TRIM17: variants seen among roughly 807,000 people sequenced by gnomAD.
TRIM17 encodes the protein tripartite motif containing 17.
Under a neutral mutation model 35.8 loss-of-function variants are expected in TRIM17, and 27 were observed. That is an observed-to-expected ratio of 0.75 (90% CI 0.56 to 1.04). TRIM17 has a LOEUF of 1.04. Ranked by LOEUF, TRIM17 falls within the 50% of genes least tolerant of loss-of-function variation. The pLI is 0.00. For missense variants in TRIM17, 582 were observed against 612.8 expected (o/e 0.95, Z 0.53); for synonymous variants, 246 against 252.6 (o/e 0.97, Z 0.25).
chr1:228,415,211 G>C (rs1657034799), intron 1 of TRIM17, 98 bp from the exon 2 acceptor site: 1 of 984,734 alleles, frequency 1.0e-6, no homozygotes, highest in Admixed American at 2.9e-5. Context: ...TAGGACTGCA[G>C]TCCAGTTAGA....
At position 228,416,768 on chromosome 1, in the gene TRIM17, C is replaced by T. The variant is rs1300814554; in HGVS notation, c.-271G>A. ...TCGGCGGCCGGGACTGGGGCGGCGC[C>T]TCTTAGGAGAGGTTGGGGGTGGCTT... On this transcript the variant is annotated 5_prime_UTR_variant, in exon 1 of 7. Coordinates refer to ENST00000366698, the MANE Select transcript of TRIM17 (RefSeq NM_016102.4). 1 of 981,786 alleles carries T rather than the reference C, an allele frequency of 1.0e-6. No homozygotes were observed. The highest frequency in any genetic ancestry group is 1.2e-6 in the Non-Finnish European group (1 of 828,620). The allele number at this position is 981,786 out of a possible 1,614,324, so 60.8% of individuals were successfully genotyped here.
chr1:228,408,823 G>A lies in TRIM17; in HGVS notation c.884-72C>T, dbSNP rs865778554. ...TTCAGGGTCAAAGGTGGGAGTCCCC[G>A]GGCCCTAGTGGTGGATGTGGCCAAT... On this transcript the variant is annotated intron_variant, in intron 6 of 6. Transcript: ENST00000366698. The surrounding 1 kb of genome is among the most constrained non-coding windows in gnomAD (Gnocchi z 6.3). 379 of 1,536,444 alleles carry A rather than the reference G, an allele frequency of 2.5e-4. No homozygotes were observed. The highest frequency in any genetic ancestry group is 6.8e-4 in the Middle Eastern group (3 of 4,382).
At chr1:228,414,457 C>G (rs187854199) in intron 2 of TRIM17, among the ~76,000 whole-genome samples, 187 bp downstream of exon 2, 1 of 152,284 alleles carries the variant, frequency 6.6e-6, no homozygotes, top group African/African-American at 2.4e-5. Context: ...CAGTGTAGGC[C>G]CACATTGTCC....
At position 228,408,076 on chromosome 1, in the gene TRIM17, A is replaced by C. The variant is rs1574091940; in HGVS notation, c.*125T>G. 3.5e-6 allele frequency: 3 copies of C among 846,498 alleles called. No homozygotes were observed. The highest frequency in any genetic ancestry group is 5.4e-6 in the Non-Finnish European group (3 of 556,470). 52.4% of individuals were successfully genotyped at this position (846,498 alleles called of 1,614,324 possible). On this transcript the variant is annotated 3_prime_UTR_variant, in exon 7 of 7. Coordinates refer to ENST00000366698, the MANE Select transcript of TRIM17 (RefSeq NM_016102.4). The surrounding 1 kb of genome is among the most constrained non-coding windows in gnomAD (Gnocchi z 6.3). ...CACAATTATATTTAGAATTTGAGAAACCCCCCTGTGTGTCTAATGGCTGCC... is the reference window on the plus strand; with the variant it reads ...CACAATTATATTTAGAATTTGAGAACCCCCCCTGTGTGTCTAATGGCTGCC...
chr1:228,415,764 C>T (rs1022823909), intron 1 of TRIM17: 6 of 152,582 alleles, frequency 3.9e-5, no homozygotes, highest in Non-Finnish European at 5.8e-5. Context: ...TACGCACAGA[C>T]GAACACCCAT....
rs112322996 is a variant in TRIM17, at chr1:228,414,864, G to A, written c.209C>T (p.Pro70Leu). 1.9e-5 allele frequency: 31 copies of A among 1,613,524 alleles called. 1 individual carries two copies. The highest frequency in any genetic ancestry group is 1.7e-4 in the Middle Eastern group (1 of 6,056). ...CCGGTTGGGCAGCAGGTTCCTCTGC[G>A]GGGACATCTCTCTGCACTCGGGGCA... Reference protein sequence around the residue: ...FPCPECREMSPQRNLLPNRLL... With the variant: ...FPCPECREMSLQRNLLPNRLL... Residue 70 changes from proline to leucine, a missense_variant, in exon 2 of 7, where the codon CCG (proline) becomes CTG (leucine). Coordinates refer to ENST00000366698, the MANE Select transcript of TRIM17 (RefSeq NM_016102.4).
At position 228,409,289 on chromosome 1, in the gene TRIM17, A is replaced by G. The variant is rs1452755344; in HGVS notation, c.780-14T>C. 3 of 1,613,086 alleles carry G rather than the reference A, an allele frequency of 1.9e-6. No homozygotes were observed. In the Admixed American group the frequency reaches 5.0e-5, roughly 27 times the overall value. ...ACGTTGTTCTTCCTCCGGTGGGCAC[A>G]CACAGGGGAGTCTTATTGACTCCCC... On this transcript the variant is annotated splice_polypyrimidine_tract_variant and intron_variant, in intron 5 of 6. Transcript: ENST00000366698.
At position 228,408,720 on chromosome 1, in the gene TRIM17, G is replaced by A. The variant is rs775807631; in HGVS notation, c.915C>T (p.Tyr305=). ...EDVVPDATSA[Y]PYLLLYESRQ... The stretch of plus-strand genomic sequence containing the variant: ...GGCTCTCATACAGGAGGAGGTAGGG[G>A]TACGCGGAGGTGGCATCAGGCACCA... Residue 305 remains tyrosine (Y), a synonymous_variant, in exon 7 of 7, where the codon TAC becomes TAT. Transcript: ENST00000366698. This position sits in a 1 kb window ranked among gnomAD's most constrained non-coding sequence, Gnocchi z 6.3. The A allele has an allele frequency of 1.2e-6, 2 of 1,603,858 alleles. No homozygotes were observed. The highest frequency in any genetic ancestry group is 1.7e-6 in the Non-Finnish European group (2 of 1,179,922).
chr1:228,414,535 C>T lies in TRIM17; in HGVS notation c.429+109G>A, dbSNP rs377420101. ...GATGCCTCCTCCCCAGCCCCTGACT[C>T]GGGCCACTTTGTCCCTGGACACCTC... On this transcript the variant is annotated intron_variant, in intron 2 of 6. Transcript: ENST00000366698. The T allele has an allele frequency of 4.6e-4, 458 of 988,218 alleles. No homozygotes were observed. The highest frequency in any genetic ancestry group is 2.2e-3 in the African/African-American group (140 of 62,364). The allele number at this position is 988,218 out of a possible 1,614,324, so 61.2% of individuals were successfully genotyped here.
At chr1:228,416,310 G>A (rs1657120678) in intron 1 of TRIM17, 3 of 982,828 alleles carry the variant, frequency 3.1e-6, no homozygotes, top group South Asian at 4.7e-5. Context: ...CAGCGGCAGC[G>A]GGCCTGGGGC....
rs556380723 is a variant in TRIM17 at position 228,414,775 on chromosome 1, G to A, written c.298C>T (p.Gln100Ter). ...HPGLQKQDLC[Q>*]EHHEPLKLFC... ...AGCTTGAGGGGCTCGTGGTGCTCCT[G>A]GCACAGGTCTTGCTTCTGCAGACCA... The change falls in exon 2 of 7, where the codon CAG becomes TAG. Residue 100 changes from glutamine to a stop codon, truncating the protein, a stop_gained. Coordinates refer to ENST00000366698, the MANE Select transcript of TRIM17 (RefSeq NM_016102.4). LOFTEE classifies it high-confidence loss of function. 24 of 1,612,974 alleles carry A rather than the reference G, an allele frequency of 1.5e-5. No homozygotes were observed. In the South Asian group the frequency reaches 2.6e-4, roughly 18 times the overall value.
chr1:228,413,733 G>C (rs1413615030), intron 3 of TRIM17, 64 bp downstream of exon 3: 24 of 1,377,988 alleles, frequency 1.7e-5, no homozygotes, highest in Non-Finnish European at 2.3e-5. Flanking sequence ...GGCAGACACA[G>C]ACGTGGAAAT....
chr1:228,413,116 C>T (rs1656874622), intron 3 of TRIM17, among the ~76,000 whole-genome samples: 1 of 147,642 alleles, frequency 6.8e-6, no homozygotes, highest in Admixed American at 7.0e-5. Flanking sequence ...GAGGCTGAGG[C>T]AGAAGAATTG....
At chr1:228,416,321 T>A (rs1657122148) in intron 1 of TRIM17, 1 of 984,772 alleles carries the variant, frequency 1.0e-6, no homozygotes, top group Admixed American at 6.1e-5. Context: ...GGCCTGGGGC[T>A]CTGGCTCTGG....
Position 228,411,186 on chromosome 1 carries a change from T to C in TRIM17, c.526-10A>G. 6.3e-7 allele frequency: 1 copy of C among 1,593,610 alleles called. No homozygotes were observed. Among genetic ancestry groups the C allele is most frequent in the Non-Finnish European group, 8.6e-7 (1 of 1,168,758 alleles). ...GCTCCTTCACCTTGCCCTGCAGGAG[T>C]GGAGAAGCCCAGCATGTTGCCAGCA... On this transcript the variant is annotated splice_polypyrimidine_tract_variant and intron_variant, in intron 3 of 6. Transcript: ENST00000366698. The surrounding 1 kb of genome is among the most constrained non-coding windows in gnomAD (Gnocchi z 4.2).
Position 228,409,231 on chromosome 1 carries a change from G to T in TRIM17, c.824C>A (p.Thr275Asn). Residue 275 changes from threonine to asparagine, a missense_variant, in exon 6 of 7, where the codon ACC becomes AAC. Coordinates refer to ENST00000366698, the MANE Select transcript of TRIM17 (RefSeq NM_016102.4). Reference sequence around the variant, plus strand: ...AACTCTGCACACAGTCCTGGGTCTGGTTGGGGGGGCAACCTCTGGGCACTG... The same window carrying T: ...AACTCTGCACACAGTCCTGGGTCTGTTTGGGGGGGCAACCTCTGGGCACTG... ...SVQCPEVAPPTRPRTVCRVPG... is the reference protein window; with the variant it reads ...SVQCPEVAPPNRPRTVCRVPG... 1 of 1,613,976 alleles carries T rather than the reference G, an allele frequency of 6.2e-7. No individual in the cohort carries two copies. The highest frequency in any genetic ancestry group is 8.5e-7 in the Non-Finnish European group (1 of 1,179,954).
Position 228,408,443 on chromosome 1 carries a change from T to G in TRIM17, c.1192A>C (p.Lys398Gln), listed in dbSNP as rs1316845437. The G allele has an allele frequency of 6.2e-7, 1 of 1,614,196 alleles. No individual in the cohort carries two copies. The highest frequency in any genetic ancestry group is 8.5e-7 in the Non-Finnish European group (1 of 1,180,024). The change falls in exon 7 of 7, where the codon AAG becomes CAG. Residue 398 changes from lysine to glutamine, a missense_variant. Coordinates refer to ENST00000366698, the MANE Select transcript of TRIM17 (RefSeq NM_016102.4). This position sits in a 1 kb window ranked among gnomAD's most constrained non-coding sequence, Gnocchi z 6.3. ...FWVVQLSKGT[K>Q]YLSTFSALTP... ...AGGGCAGAGAAGGTGGATAAGTACT[T>G]GGTCCCCTTGGACAGCTGCACCACC...
At position 228,408,677 on chromosome 1, in the gene TRIM17, C is replaced by G; in HGVS notation, c.958G>C (p.Gly320Arg). The G allele has an allele frequency of 6.2e-7, 1 of 1,610,918 alleles. No individual in the cohort carries two copies. The highest frequency in any genetic ancestry group is 8.5e-7 in the Non-Finnish European group (1 of 1,180,020). Residue 320 changes from glycine to arginine, a missense_variant, in exon 7 of 7, where the codon GGC becomes CGC. By Grantham distance (125) the Gly-to-Arg change is moderately radical (BLOSUM62 -2). Coordinates refer to ENST00000366698, the MANE Select transcript of TRIM17 (RefSeq NM_016102.4). This position sits in a 1 kb window ranked among gnomAD's most constrained non-coding sequence, Gnocchi z 6.3. ...LYESRQRRYLGSSPEGSGFCS... is the reference protein window; with the variant it reads ...LYESRQRRYLRSSPEGSGFCS... The stretch of plus-strand genomic sequence containing the variant: ...AACCCACTGCCCTCCGGCGAAGAGC[C>G]GAGGTAGCGCCTCTGGCGGCTCTCA...
chr1:228,411,327 C>T lies in TRIM17; in HGVS notation c.526-151G>A, dbSNP rs925679766. 10 of 642,188 alleles carry T rather than the reference C, an allele frequency of 1.6e-5. No homozygotes were observed. The African/African-American group carries it at 1.6e-4, about 10-fold the overall frequency. The allele number at this position is 642,188 out of a possible 1,614,324, so 39.8% of individuals were successfully genotyped here. On this transcript the variant is annotated intron_variant, in intron 3 of 6. Coordinates refer to ENST00000366698, the MANE Select transcript of TRIM17 (RefSeq NM_016102.4). The surrounding 1 kb of genome is among the most constrained non-coding windows in gnomAD (Gnocchi z 4.2). ...GGAACTGTGACAGAGGCCCCCACCT[C>T]TGCCATCCTGTGATACACTGAGTGT...
Sources: allele counts gnomAD v4.1 joint callset (sites outside exome capture counted in the v4.1 genomes callset), GRCh38; gene constraint gnomAD v4.1.1; non-coding constraint Gnocchi (gnomAD v3.1); transcripts MANE v1.5; gene names NCBI Gene and HGNC (gene_info 2026-07-23, HGNC 2026-07-21).